SORBS2: variants seen among roughly 807,000 people sequenced by gnomAD.
SORBS2 encodes the protein sorbin and SH3 domain containing 2, also known as sorbin and SH3 domain-containing protein 2.
SORBS2 carries 46 observed loss-of-function variants against 97.7 expected under a neutral mutation model. The ratio of observed to expected loss-of-function variants is 0.47; its 90% confidence interval spans 0.37 to 0.60. The LOEUF (loss-of-function observed/expected upper bound fraction) is 0.60. Among genes scored for constraint, SORBS2 ranks in the 20% least tolerant of loss-of-function variants. The probability of loss-of-function intolerance (pLI) is 0.00; values close to 1 mark genes in which losing one functional copy is unlikely to be tolerated. For missense variants in SORBS2, 1,316 were observed against 1,282.3 expected, an observed-to-expected ratio of 1.03 and a Z score of -0.40; for synonymous variants, 476 against 473.4, an observed-to-expected ratio of 1.01 and a Z score of -0.07.
chr4:185,601,703 AC>A (rs1422957344), intron 12 of SORBS2, among the ~76,000 whole-genome samples: 3 of 152,202 alleles, frequency 2.0e-5, no homozygotes, highest in Non-Finnish European at 2.9e-5. Flanking sequence ...AAAAAAAATA[AC>A]CCCATTTAGC....
At chr4:185,666,171 C>T in intron 4 of SORBS2, 9 of 1,289,748 alleles carry the variant, frequency 7.0e-6, no homozygotes, top group African/African-American at 1.5e-5. Flanking sequence ...AAGCATTTAC[C>T]TCCAACACAC....
intron 2 of SORBS2, among the ~76,000 whole-genome samples, chr4:185,762,388 A>C (rs148300572): frequency 6.6e-6 from 1 of 152,298 alleles, no homozygotes; most frequent in Non-Finnish European, 1.5e-5. Context: ...GATCAGGGAT[A>C]GAGATTAGGG....
At chr4:185,879,142 G>C (rs1203376168) in intron 1 of SORBS2, among the ~76,000 whole-genome samples, 2 of 138,050 alleles carry the variant, frequency 1.4e-5, no homozygotes, top group Non-Finnish European at 3.1e-5. Context: ...ATTTACATTA[G>C]GTATATCTCC....
At chr4:185,946,522 T>C (rs928174908) in intron 1 of SORBS2, among the ~76,000 whole-genome samples, 37 of 152,208 alleles carry the variant, frequency 2.4e-4, no homozygotes, top group African/African-American at 8.4e-4. Flanking sequence ...AAAATCAATA[T>C]ATGACATTTC....
intron 1 of SORBS2, among the ~76,000 whole-genome samples, chr4:185,888,768 T>G (rs1234599993): frequency 6.6e-6 from 1 of 152,184 alleles, no homozygotes; most frequent in Middle Eastern, 3.2e-3. Flanking sequence ...CCAACCCGCA[T>G]GACTGGGAGT....
chr4:185,898,589 T>A (rs1361037260), intron 1 of SORBS2, among the ~76,000 whole-genome samples: 1 of 152,122 alleles, frequency 6.6e-6, no homozygotes, highest in Non-Finnish European at 1.5e-5. Context: ...AAGAACAAAA[T>A]AATGACTACC....
At chr4:185,782,550 A>G (rs2099035984) in intron 1 of SORBS2, among the ~76,000 whole-genome samples, 1 of 152,210 alleles carries the variant, frequency 6.6e-6, no homozygotes, top group Admixed American at 6.5e-5. Flanking sequence ...ACCTGAAACC[A>G]TATGTGATTA....
chr4:185,941,613 C>T (rs910011735), intron 1 of SORBS2, among the ~76,000 whole-genome samples: 20 of 152,124 alleles, frequency 1.3e-4, no homozygotes, highest in African/African-American at 4.8e-4. Flanking sequence ...CAGTTTCTTG[C>T]TTTCCCTCTG....
At chr4:185,672,183 T>A (rs1407366090) in intron 4 of SORBS2, among the ~76,000 whole-genome samples, 1 of 152,238 alleles carries the variant, frequency 6.6e-6, no homozygotes, top group Non-Finnish European at 1.5e-5. Flanking sequence ...CATTACTCTG[T>A]CCTCCTTAGT....
chr4:185,640,946 C>T (rs2097114702), intron 4 of SORBS2, among the ~76,000 whole-genome samples: 1 of 151,994 alleles, frequency 6.6e-6, no homozygotes, highest in Non-Finnish European at 1.5e-5. Flanking sequence ...TTTTGTTTTG[C>T]CAAGGGGAGA....
intron 1 of SORBS2, among the ~76,000 whole-genome samples, chr4:185,806,464 T>C (rs1161855624): frequency 3.6e-5 from 1 of 27,610 alleles, no homozygotes; most frequent in Non-Finnish European, 7.4e-5. Flanking sequence ...TTTTTTTTTT[T>C]TTTTTTTTTT....
At chr4:185,890,971 A>G (rs2099242204) in intron 1 of SORBS2, among the ~76,000 whole-genome samples, 1 of 152,252 alleles carries the variant, frequency 6.6e-6, no homozygotes, top group Non-Finnish European at 1.5e-5. Context: ...TGAACGAATG[A>G]ATGAAATAAA....
chr4:185,727,119 C>T (rs1028153181), intron 2 of SORBS2, among the ~76,000 whole-genome samples: 1 of 152,188 alleles, frequency 6.6e-6, no homozygotes, highest in Non-Finnish European at 1.5e-5. Context: ...TGGAAGTACA[C>T]GTGCTCATCT....
At chr4:185,762,822 C>T (rs959035783) in intron 2 of SORBS2, among the ~76,000 whole-genome samples, 1 of 152,074 alleles carries the variant, frequency 6.6e-6, no homozygotes. Flanking sequence ...TACTTATGAA[C>T]GAGTTAAGAA....
intron 14 of SORBS2, chr4:185,587,940 G>A: frequency 4.8e-6 from 2 of 419,396 alleles, no homozygotes; most frequent in South Asian, 5.9e-5. Context: ...GAAATGCTGA[G>A]CCTCCCAAGC....
At chr4:185,900,441 C>G (rs1431350012) in intron 1 of SORBS2, among the ~76,000 whole-genome samples, 1 of 152,118 alleles carries the variant, frequency 6.6e-6, no homozygotes, top group Non-Finnish European at 1.5e-5. Context: ...GAAGCCAGCT[C>G]TGTAAGTCAT....
In SORBS2 at chr4:185,870,816, T is replaced by C. The variant is rs145560990; in HGVS notation, c.-338+85380A>G. On this transcript the variant is annotated intron_variant, in intron 1 of 20. Transcript: ENST00000284776. The stretch of plus-strand genomic sequence containing the variant: ...GTGTCAATCAAGGATTCCTTTTTTT[T>C]CTAAATAATTCCATGAACATTAAGG... 8.1e-4 allele frequency among the ~76,000 whole-genome samples: 124 copies of C among 152,334 alleles called. 1 individual carries two copies. In the Middle Eastern group the frequency reaches 0.01, roughly 13 times the overall value.
At chr4:185,783,410 C>A (rs932561586) in intron 1 of SORBS2, among the ~76,000 whole-genome samples, 5 of 152,168 alleles carry the variant, frequency 3.3e-5, no homozygotes, top group African/African-American at 9.7e-5. Flanking sequence ...CCAAGTGAGG[C>A]CTTGGGAAGC....
At chr4:185,800,327 A>G (rs920089087) in intron 1 of SORBS2, among the ~76,000 whole-genome samples, 8 of 152,224 alleles carry the variant, frequency 5.3e-5, no homozygotes, top group African/African-American at 1.4e-4. Context: ...AGAGATTTAT[A>G]GTAATAATTT....
Sources: gnomAD v4.1 joint callset for allele counts (sites outside exome capture counted in the v4.1 genomes callset) on GRCh38, gnomAD v4.1.1 for gene constraint, MANE v1.5 for transcripts, NCBI Gene and HGNC (gene_info 2026-07-23, HGNC 2026-07-21) for gene names.